The following ABCC8 variants were observed in gnomAD, a reference collection of about 807,000 sequenced individuals.
ABCC8 encodes ATP binding cassette subfamily C member 8, also known as ATP-binding cassette sub-family C member 8.
In ABCC8, 137 loss-of-function variants were observed where a neutral mutation model predicts 188.0. The ratio of observed to expected loss-of-function variants is 0.73; its 90% CI spans 0.63 to 0.84. The LOEUF (loss-of-function observed/expected upper bound fraction) is 0.84, where lower values mean the gene tolerates loss of function less well. ABCC8 is among the 40% of genes least tolerant of loss of function. ABCC8 has a pLI of 0.00. For synonymous variants in ABCC8, 797 were observed against 846.5 expected, an observed-to-expected ratio of 0.94 and a Z score of 1.01; for missense variants, 1,750 against 2,072.7, an observed-to-expected ratio of 0.84 and a Z score of 3.02.
rs1365547967 is a variant in ABCC8 at position 17,427,737 on chromosome 11, A to G, written c.2116+130T>C. ...TAGAATGTAGCCTTCCCCTTCTATA[A>G]TATACCCAGGGCATACACCAAGAAT... On this transcript the variant is annotated intron_variant, in intron 15 of 38. Transcript: ENST00000389817. This position sits in a 1 kb window ranked among gnomAD's most constrained non-coding sequence, Gnocchi z 5.0. 2 of 1,286,236 alleles carry G rather than the reference A, an allele frequency of 1.6e-6. No individual in the cohort carries two copies. Among genetic ancestry groups the G allele is most frequent in the South Asian group, 1.4e-5 (1 of 69,744 alleles). The allele number at this position is 1,286,236 out of a possible 1,614,324, so 79.7% of individuals were successfully genotyped here. A position where few individuals can be genotyped will look rare whatever the true frequency, so the allele number is the denominator to read the frequency against.
intron 1 of ABCC8, 133 bp from the exon 2 acceptor site, chr11:17,475,160 T>A (rs1164462573): frequency 7.3e-7 from 1 of 1,373,666 alleles, no homozygotes; most frequent in East Asian, 2.5e-5. Flanking sequence ...TCCCCAAGGC[T>A]GGTACACACA....
chr11:17,442,690 C>G, intron 10 of ABCC8, 30 bp downstream of exon 10: 1 of 1,609,864 alleles, frequency 6.2e-7, no homozygotes, highest in Non-Finnish European at 8.5e-7. Context: ...CGCAGCAGCA[C>G]CCAGGGCTGG....
chr11:17,426,319 C>T (rs960966066), intron 16 of ABCC8, among the ~76,000 whole-genome samples: 4 of 152,216 alleles, frequency 2.6e-5, no homozygotes, highest in African/African-American at 9.7e-5. Context: ...AAAAGCGTTC[C>T]TATTTCTCCA....
intron 3 of ABCC8, among the ~76,000 whole-genome samples, chr11:17,466,288 A>T (rs1449391367): frequency 6.6e-6 from 1 of 151,374 alleles, no homozygotes; most frequent in Non-Finnish European, 1.5e-5. Flanking sequence ...AGTCCCAGTT[A>T]CTCAGGAGGC....
intron 16 of ABCC8, among the ~76,000 whole-genome samples, chr11:17,426,077 G>C (rs1955569768): frequency 6.6e-6 from 1 of 152,124 alleles, no homozygotes; most frequent in African/African-American, 2.4e-5. Context: ...TCTTTATCCA[G>C]TCTATCATTG....
At chr11:17,412,619 C>T (rs1315424248) in intron 21 of ABCC8, 47 bp downstream of exon 21, 6 of 1,585,998 alleles carry the variant, frequency 3.8e-6, no homozygotes, top group Admixed American at 3.6e-5. Flanking sequence ...GGCAGTTAGG[C>T]CTGGGAGGCA....
chr11:17,442,807 C>T lies in ABCC8; in HGVS notation c.1543G>A (p.Glu515Lys). The T allele has an allele frequency of 6.2e-7, 1 of 1,614,138 alleles. No homozygotes were observed. Among genetic ancestry groups the T allele is most frequent in the Non-Finnish European group, 8.5e-7 (1 of 1,180,036 alleles). Residue 515 changes from glutamate (E) to lysine (K), a missense_variant, in exon 10 of 39, where the codon GAG (glutamate) becomes AAG (lysine). Glu to Lys is a moderately conservative substitution (Grantham distance 56). Coordinates refer to ENST00000389817, the MANE Select transcript of ABCC8 (RefSeq NM_000352.6). ...GIKLLKLYAWENIFRTRVETT... is the reference protein window; with the variant it reads ...GIKLLKLYAWKNIFRTRVETT... ...TCCACCCGCGTGCGGAAGATGTTCTCCCAGGCGTACAGCTTCAGCAGCTTG... is the reference window on the plus strand; with the variant it reads ...TCCACCCGCGTGCGGAAGATGTTCTTCCAGGCGTACAGCTTCAGCAGCTTG...
intron 4 of ABCC8, among the ~76,000 whole-genome samples, chr11:17,462,560 T>C (rs1467203296): frequency 2.0e-5 from 3 of 152,150 alleles, no homozygotes; most frequent in Admixed American, 1.3e-4. Context: ...CTCTCTCCCA[T>C]AGAAATAAAA....
intron 28 of ABCC8, 131 bp from the exon 29 acceptor site, chr11:17,402,884 C>T (rs1954317989): frequency 8.8e-7 from 1 of 1,133,642 alleles, no homozygotes; most frequent in African/African-American, 1.5e-5. Context: ...GCTTCTTACC[C>T]CGTGAAGGGG....
intron 3 of ABCC8, 194 bp from the exon 4 acceptor site, chr11:17,463,798 A>G (rs898539536): frequency 1.0e-5 from 2 of 200,448 alleles, no homozygotes; most frequent in Admixed American, 6.5e-5. Context: ...ACGTCTTAAC[A>G]TTCATGAAAA....
intron 6 of ABCC8, 142 bp downstream of exon 6, chr11:17,460,346 T>C (rs193177134): frequency 3.4e-5 from 44 of 1,306,268 alleles, no homozygotes; most frequent in Non-Finnish European, 4.6e-5. Flanking sequence ...TATTCTGTGG[T>C]GGGGATACTG....
At position 17,416,852 on chromosome 11, in the gene ABCC8, C is replaced by T; in HGVS notation, c.2255+78G>A. 2.5e-6 allele frequency: 4 copies of T among 1,571,360 alleles called. No individual in the cohort carries two copies. In the South Asian group the frequency reaches 3.4e-5, roughly 13 times the overall value. On this transcript the variant is annotated intron_variant, in intron 17 of 38. Coordinates refer to ENST00000389817, the MANE Select transcript of ABCC8 (RefSeq NM_000352.6). ...TCCCTGAATCCATACTCAGCATTAC[C>T]CACCCACAAGTCCTCCACCCCCACC... is the stretch of plus-strand genomic sequence containing the variant.
In ABCC8 at chr11:17,450,470, C is replaced by G. The variant is rs187710168; in HGVS notation, c.1177-1799G>C. 1.8e-4 allele frequency among the ~76,000 whole-genome samples: 26 copies of G among 147,760 alleles called. 1 individual carries two copies. In the Admixed American group the frequency reaches 1.8e-3, roughly 10 times the overall value. Reference sequence around the variant, plus strand: ...AGTGCGGTGGTGCCATCTCGGCTCACTGCAAGCTCCTCCTCCTGGGTTCAC... The same window carrying G: ...AGTGCGGTGGTGCCATCTCGGCTCAGTGCAAGCTCCTCCTCCTGGGTTCAC... On this transcript the variant is annotated intron_variant, in intron 7 of 38. Coordinates refer to ENST00000389817, the MANE Select transcript of ABCC8 (RefSeq NM_000352.6).
At position 17,476,822 on chromosome 11, in the gene ABCC8, G is replaced by A. The variant is rs1288874628; in HGVS notation, c.-46C>T. The A allele has an allele frequency of 6.9e-7, 1 of 1,455,832 alleles. No individual in the cohort carries two copies. Among genetic ancestry groups the A allele is most frequent in the Non-Finnish European group, 9.0e-7 (1 of 1,107,030 alleles). The allele number at this position is 1,455,832 out of a possible 1,614,324, so 90.2% of individuals were successfully genotyped here. ...GGCTCGGGCTCAGCTGGCTCCGCTG[G>A]CTCCGCGCGCCTGCCGCGCCTCTGT... On this transcript the variant is annotated 5_prime_UTR_variant, in exon 1 of 39. Coordinates refer to ENST00000389817, the MANE Select transcript of ABCC8 (RefSeq NM_000352.6).
intron 23 of ABCC8, 200 bp downstream of exon 23, chr11:17,408,192 G>C (rs931174899): frequency 1.8e-6 from 1 of 552,928 alleles, no homozygotes; most frequent in African/African-American, 1.9e-5. Flanking sequence ...TAAGGCGAAG[G>C]TGCCCACCTG....
rs779017346 is a variant in ABCC8 at position 17,427,080 on chromosome 11, G to T, written c.2191C>A (p.Gln731Lys). 1.2e-6 allele frequency: 2 copies of T among 1,613,960 alleles called. No individual in the cohort carries two copies. Among genetic ancestry groups the T allele is most frequent in the Non-Finnish European group, 1.7e-6 (2 of 1,179,942 alleles). The change falls in exon 16 of 39, where the codon CAG becomes AAG. Residue 731 changes from glutamine (Q) to lysine (K), a missense_variant. Transcript: ENST00000389817. The surrounding 1 kb of genome is among the most constrained non-coding windows in gnomAD (Gnocchi z 5.0). ...CAGAAGACAGCCCCTGAGACCTTCT[G>T]CATCTCCCCCAGTGCGGCTAGAAGG... ...SLLLAALGEM[Q>K]KVSGAVFWSS...
At chr11:17,434,397 A>G (rs1312087703) in intron 10 of ABCC8, among the ~76,000 whole-genome samples, 1 of 152,244 alleles carries the variant, frequency 6.6e-6, no homozygotes, top group African/African-American at 2.4e-5. Flanking sequence ...TTCTGATCCT[A>G]TAATCCGTCT....
intron 6 of ABCC8, among the ~76,000 whole-genome samples, chr11:17,459,711 A>G (rs1296298104): frequency 6.6e-6 from 1 of 152,198 alleles, no homozygotes; most frequent in African/African-American, 2.4e-5. Context: ...GGCCATTTAA[A>G]CCTAAACGGC....
chr11:17,396,255 G>A, intron 33 of ABCC8: 1 of 470,336 alleles, frequency 2.1e-6, no homozygotes, highest in African/African-American at 2.0e-5. Flanking sequence ...GGGTGTGGCA[G>A]GAGGACACAG....
Sources: allele counts gnomAD v4.1 joint callset (sites outside exome capture counted in the v4.1 genomes callset), GRCh38; gene constraint gnomAD v4.1.1; non-coding constraint Gnocchi (gnomAD v3.1); transcripts MANE v1.5; gene names NCBI Gene and HGNC (gene_info 2026-07-23, HGNC 2026-07-21).